The following TRPM6 variants were observed in gnomAD, a reference collection of about 807,000 sequenced individuals.
TRPM6 encodes the protein channel kinase 2.
In TRPM6, 111 loss-of-function variants were observed where a neutral mutation model predicts 247.6. The observed-to-expected ratio is 0.45, with a 90% CI of 0.38 to 0.52. The LOEUF is 0.52. Ranked by LOEUF, TRPM6 falls within the 20% of genes least tolerant of loss-of-function variation. The pLI is 0.00. For missense variants in TRPM6, 2,126 were observed against 2,421.5 expected (o/e 0.88, Z 2.56); for synonymous variants, 892 against 853.8 (o/e 1.04, Z -0.78).
At chr9:74,801,091 T>C (rs1416266693) in intron 16 of TRPM6, among the ~76,000 whole-genome samples, 3 of 151,728 alleles carry the variant, frequency 2.0e-5, no homozygotes, top group Admixed American at 2.0e-4. Flanking sequence ...AAGGTAGACA[T>C]TGTCATGCTC....
intron 5 of TRPM6, among the ~76,000 whole-genome samples, chr9:74,839,524 A>G (rs775097392): frequency 1.8e-4 from 28 of 152,180 alleles, no homozygotes; most frequent in Non-Finnish European, 3.7e-4. Context: ...GACAATGATT[A>G]TATGAGTTTA....
intron 14 of TRPM6, 142 bp from the exon 15 acceptor site, chr9:74,804,028 C>CTCTGTTT: frequency 1.4e-6 from 1 of 691,090 alleles, no homozygotes; most frequent in East Asian, 2.7e-5. Context: ...AATGTTGTGT[C>CTCTGTTT]CTACCAAATA....
rs145078905 is a variant in TRPM6 at position 74,853,460 on chromosome 9, C to T, written c.152+2067G>A. Among the ~76,000 whole-genome samples the T allele has an allele frequency of 3.0e-4, 45 of 152,256 alleles. No individual in the cohort carries two copies. The East Asian group carries it at 8.3e-3, about 28-fold the overall frequency. ...AAAGGAAGAGAAATCAGATTGTTAC[C>T]GTGTCTGTGCGGAAATAAGTAGACA... is the stretch of plus-strand genomic sequence containing the variant. On this transcript the variant is annotated intron_variant, in intron 3 of 38. Transcript: ENST00000360774.
chr9:74,842,326 A>C lies in TRPM6; in HGVS notation c.170T>G (p.Leu57Arg). The C allele has an allele frequency of 6.2e-7, 1 of 1,614,174 alleles. No individual in the cohort carries two copies. Among genetic ancestry groups the C allele is most frequent in the Non-Finnish European group, 8.5e-7 (1 of 1,180,026 alleles). Residue 57 changes from leucine (L) to arginine (R), a missense_variant, in exon 4 of 39, where the codon CTG becomes CGG. By Grantham distance (102) the Leu-to-Arg change is moderately radical (BLOSUM62 -2). Around this residue, in one of 3 missense-constraint regions of TRPM6, gnomAD observed 1,082 missense variants for 1,307.9 expected, o/e 0.83. Coordinates refer to ENST00000360774, the MANE Select transcript of TRPM6 (RefSeq NM_017662.5). ...QNLIRCYCGRLIGDHAGIDYS... is the reference protein window; with the variant it reads ...QNLIRCYCGRRIGDHAGIDYS... Reference sequence around the variant, plus strand: ...ATCTATCCCAGCATGGTCTCCAATCAGTCGGCCACAGTAACACCTTAAATT... The same window carrying C: ...ATCTATCCCAGCATGGTCTCCAATCCGTCGGCCACAGTAACACCTTAAATT...
At chr9:74,791,810 T>C (rs1381601374) in intron 19 of TRPM6, among the ~76,000 whole-genome samples, 2 of 152,138 alleles carry the variant, frequency 1.3e-5, no homozygotes, top group Non-Finnish European at 1.5e-5. Flanking sequence ...GGCTGGAGTG[T>C]AGCGGCGCAA....
At position 74,762,823 on chromosome 9, in the gene TRPM6, A is replaced by G. The variant is rs779896371; in HGVS notation, c.3848T>C (p.Leu1283Pro). 5 of 1,614,050 alleles carry G rather than the reference A, an allele frequency of 3.1e-6. No homozygotes were observed. Among genetic ancestry groups the G allele is most frequent in the African/African-American group, 2.7e-5 (2 of 74,936 alleles). ...ATGCCGGCCTCCAGCCAGGCTCCTC[A>G]GCAAAGAAGAGGGCATGCTATAATA... The part of the protein sequence containing the change: ...YQYYSMPSSL[L>P]RSLAGGRHPP... The change falls in exon 26 of 39, where the codon CTG (leucine) becomes CCG (proline). Residue 1283 changes from leucine (L) to proline (P), a missense_variant. Physicochemically the swap from Leu to Pro is moderately conservative, Grantham distance 98. Coordinates refer to ENST00000360774, the MANE Select transcript of TRPM6 (RefSeq NM_017662.5).
At position 74,800,097 on chromosome 9, in the gene TRPM6, C is replaced by A. The variant is rs140806157; in HGVS notation, c.2238+157G>T. The A allele has an allele frequency of 1.0e-5, 7 of 700,828 alleles. No individual in the cohort carries two copies. The Admixed American group carries it at 1.1e-4, about 11-fold the overall frequency. 43.4% of individuals were successfully genotyped at this position (700,828 alleles called of 1,614,324 possible). A position where few individuals can be genotyped will look rare whatever the true frequency, so the allele number is the denominator to read the frequency against. ...AGACCAATCTTCTGTCAAGGGTATA[C>A]GAGTAGCTGCAGTCCCCTGCTAGAA... On this transcript the variant is annotated intron_variant, in intron 17 of 38. Coordinates refer to ENST00000360774, the MANE Select transcript of TRPM6 (RefSeq NM_017662.5).
At chr9:74,796,614 A>C in intron 18 of TRPM6, 127 bp downstream of exon 18, 2 of 904,028 alleles carry the variant, frequency 2.2e-6, no homozygotes, top group Non-Finnish European at 3.6e-6. Flanking sequence ...ATATGTCATC[A>C]CAGGCCTGAA....
chr9:74,723,910 C>T lies in TRPM6; in HGVS notation c.*703G>A, dbSNP rs1474838739. On this transcript the variant is annotated 3_prime_UTR_variant, in exon 39 of 39. Transcript: ENST00000360774. ...TATATATAAAAATATATATAATATA[C>T]ATATTCCATATATATTATATATGGA... 8 of 142,412 alleles carry T rather than the reference C, an allele frequency of 5.6e-5. No homozygotes were observed. The highest frequency in any genetic ancestry group is 2.1e-4 in the African/African-American group (8 of 38,950). The allele number at this position is 142,412 out of a possible 1,614,324, so 8.8% of individuals were successfully genotyped here.
At chr9:74,790,487 TTTA>T (rs1180088210) in intron 19 of TRPM6, among the ~76,000 whole-genome samples, 1 of 152,168 alleles carries the variant, frequency 6.6e-6, no homozygotes, top group Non-Finnish European at 1.5e-5. Flanking sequence ...CTGTATATAT[TTTA>T]TTATTTGTAT....
intron 28 of TRPM6, among the ~76,000 whole-genome samples, chr9:74,753,110 C>CAACAA (rs1554687612): frequency 1.9e-5 from 2 of 104,210 alleles, no homozygotes; most frequent in Admixed American, 2.2e-4. Context: ...GAGACTGTCT[C>CAACAA]AAAAAAAAAA....
intron 36 of TRPM6, among the ~76,000 whole-genome samples, chr9:74,735,553 A>G (rs977867503): frequency 3.3e-5 from 5 of 152,196 alleles, no homozygotes; most frequent in Admixed American, 2.6e-4. Flanking sequence ...TGCTTTGTTG[A>G]ATAAAAAAAT....
intron 1 of TRPM6, among the ~76,000 whole-genome samples, chr9:74,883,790 A>G (rs1350422398): frequency 1.3e-5 from 2 of 152,164 alleles, no homozygotes; most frequent in African/African-American, 2.4e-5. Flanking sequence ...GGATCCTTTG[A>G]GCTCAGGAGT....
intron 31 of TRPM6, among the ~76,000 whole-genome samples, chr9:74,744,608 T>C (rs1217107267): frequency 6.6e-6 from 1 of 152,194 alleles, no homozygotes; most frequent in Non-Finnish European, 1.5e-5. Flanking sequence ...AAAAGCTATA[T>C]ACTGGAAACA....
chr9:74,871,134 C>CCTCA (rs1158709164), intron 1 of TRPM6, among the ~76,000 whole-genome samples: 2 of 152,134 alleles, frequency 1.3e-5, no homozygotes, highest in African/African-American at 4.8e-5. Context: ...TTATCTAAGT[C>CCTCA]CTCACTGTAT....
At chr9:74,853,037 G>T (rs1830398246) in intron 3 of TRPM6, among the ~76,000 whole-genome samples, 1 of 151,748 alleles carries the variant, frequency 6.6e-6, no homozygotes. Context: ...CGTCGTCTGA[G>T]ATGTGGGGAG....
At chr9:74,815,536 A>G (rs547292584) in intron 11 of TRPM6, among the ~76,000 whole-genome samples, 61 of 152,322 alleles carry the variant, frequency 4.0e-4, no homozygotes, top group Non-Finnish European at 6.9e-4. Flanking sequence ...GCCCTCTAAC[A>G]TGGGAAAGAG....
intron 24 of TRPM6, 50 bp downstream of exon 24, chr9:74,775,833 T>C: frequency 3.1e-6 from 5 of 1,595,506 alleles, no homozygotes; most frequent in Non-Finnish European, 3.4e-6. Flanking sequence ...ATCTTTGCCT[T>C]GAATCCTACT....
chr9:74,792,392 CAA>C (rs1403242549), intron 19 of TRPM6, among the ~76,000 whole-genome samples: 22 of 152,190 alleles, frequency 1.4e-4, no homozygotes, highest in Non-Finnish European at 3.2e-4. Flanking sequence ...TCTTAGCACT[CAA>C]AGAGAGAAGA....
Sources: allele counts gnomAD v4.1 joint callset (sites outside exome capture counted in the v4.1 genomes callset), GRCh38; gene constraint gnomAD v4.1.1; regional missense constraint gnomAD v4.1.1; transcripts MANE v1.5; gene names NCBI Gene and HGNC (gene_info 2026-07-23, HGNC 2026-07-21).